The following ARAP2 variants were observed in gnomAD, a reference collection of about 807,000 sequenced individuals.
ARAP2 encodes the protein arf-GAP with Rho-GAP domain, ANK repeat and PH domain-containing protein 2.
In ARAP2, 148 loss-of-function variants were observed where a neutral mutation model predicts 194.5. The ratio of observed to expected loss-of-function variants is 0.76; its 90% CI spans 0.67 to 0.87. The LOEUF (loss-of-function observed/expected upper bound fraction) is 0.87. Ranked by LOEUF, ARAP2 falls within the 40% of genes least tolerant of loss-of-function variation. The probability of loss-of-function intolerance (pLI) is 0.00; values close to 1 mark genes in which losing one functional copy is unlikely to be tolerated. For missense variants in ARAP2, 2,128 were observed against 1,989.7 expected (o/e 1.07, Z -1.32); for synonymous variants, 695 against 683.5 (o/e 1.02, Z -0.26).
rs1300902566 is a variant in ARAP2, at chr4:36,140,030, T to TAAGA, written c.3264-6642_3264-6641insTCTT. ...CTCTGAACCTATTATTTCCACCTCT[T>TAAGA]GGACTACCTTAGTGTCTCAGGCCCC... On this transcript the variant is annotated intron_variant, in intron 19 of 32. Transcript: ENST00000303965. 1.2e-4 allele frequency among the ~76,000 whole-genome samples: 18 copies of TAAGA among 151,642 alleles called. No individual in the cohort carries two copies. In the East Asian group the frequency reaches 1.4e-3, roughly 11 times the overall value.
chr4:36,235,768 T>C (rs1395517466), intron 1 of ARAP2, among the ~76,000 whole-genome samples: 1 of 152,222 alleles, frequency 6.6e-6, no homozygotes, highest in African/African-American at 2.4e-5. Flanking sequence ...CACAGATTTC[T>C]CCAATTCATC....
At chr4:36,125,836 C>T (rs557334514) in intron 21 of ARAP2, among the ~76,000 whole-genome samples, 9 of 152,130 alleles carry the variant, frequency 5.9e-5, no homozygotes, top group African/African-American at 1.9e-4. Context: ...GGAGACCACA[C>T]TTATTATTTC....
At chr4:36,238,549 G>C (rs1223351154) in intron 1 of ARAP2, among the ~76,000 whole-genome samples, 1 of 152,128 alleles carries the variant, frequency 6.6e-6, no homozygotes, top group Non-Finnish European at 1.5e-5. Flanking sequence ...CCTTTGTCTA[G>C]CTGTTCATAA....
chr4:36,164,895 A>C lies in ARAP2; in HGVS notation c.2173+19T>G. On this transcript the variant is annotated intron_variant, in intron 11 of 32. Transcript: ENST00000303965. ...AATCTGCCACAAAGCTGTGATGAGC[A>C]TAACTTGTCACTAATTACCTGCACA... 1 of 1,612,002 alleles carries C rather than the reference A, an allele frequency of 6.2e-7. No homozygotes were observed. Among genetic ancestry groups the C allele is most frequent in the Non-Finnish European group, 8.5e-7 (1 of 1,178,186 alleles).
intron 14 of ARAP2, 117 bp downstream of exon 14, chr4:36,159,214 A>G (rs1733337492): frequency 8.7e-7 from 1 of 1,148,762 alleles, no homozygotes; most frequent in Admixed American, 2.9e-5. Flanking sequence ...CTTTTTGGTA[A>G]TTACATTTTT....
At chr4:36,228,431 G>C (rs892669506) in intron 2 of ARAP2, 151 bp downstream of exon 2, 2 of 790,184 alleles carry the variant, frequency 2.5e-6, no homozygotes, top group Non-Finnish European at 1.9e-6. Flanking sequence ...TGTCCAATGG[G>C]ATGAAGACTT....
At chr4:36,163,588 G>T (rs149334115) in intron 11 of ARAP2, among the ~76,000 whole-genome samples, 1 of 152,138 alleles carries the variant, frequency 6.6e-6, no homozygotes, top group Non-Finnish European at 1.5e-5. Context: ...GAAAGAAAAA[G>T]GGGACAGAGA....
At chr4:36,050,293 T>C (rs1722451873) in intron 3 of ARAP2, among the ~76,000 whole-genome samples, 1 of 152,252 alleles carries the variant, frequency 6.6e-6, no homozygotes, top group Non-Finnish European at 1.5e-5. Context: ...GTCAAAACCA[T>C]ATCATCTGAA....
At chr4:36,092,640 A>G (rs987100863) in intron 27 of ARAP2, among the ~76,000 whole-genome samples, 4 of 152,212 alleles carry the variant, frequency 2.6e-5, no homozygotes, top group South Asian at 2.1e-4. Flanking sequence ...ATATATCACA[A>G]TTTTTAAAAT....
At chr4:36,006,883 T>A (rs1193773624) in intron 10 of ARAP2, 1 of 151,970 alleles carries the variant, frequency 6.6e-6, no homozygotes, top group Admixed American at 6.6e-5. Context: ...CAAATAAAAT[T>A]TTTAAAAGAG....
rs116349557 is a variant in ARAP2, at chr4:36,112,266, A to G, written c.4156+1904T>C. Among the ~76,000 whole-genome samples, 876 of 152,090 alleles carry G rather than the reference A, an allele frequency of 5.8e-3. 6 individuals carry two copies. The highest frequency in any genetic ancestry group is 0.02 in the African/African-American group (833 of 41,538). On this transcript the variant is annotated intron_variant, in intron 26 of 32. Coordinates refer to ENST00000303965, the MANE Select transcript of ARAP2 (RefSeq NM_015230.4). ...GAAATACACGGTAAATGCCCTAAAA[A>G]AAGTATAGTCTAGGGCAGAACCAGG...
chr4:36,149,326 A>C (rs1180429949), intron 16 of ARAP2, among the ~76,000 whole-genome samples: 1 of 151,996 alleles, frequency 6.6e-6, no homozygotes, highest in Non-Finnish European at 1.5e-5. Context: ...CAGTCATTTA[A>C]TCTTAGCAGT....
intron 28 of ARAP2, among the ~76,000 whole-genome samples, chr4:36,085,685 CTT>C (rs1294744480): frequency 1.3e-5 from 2 of 151,984 alleles, no homozygotes; most frequent in African/African-American, 4.8e-5. Context: ...TCTATTTATC[CTT>C]TGAGGTGAAT....
intron 27 of ARAP2, 135 bp from the exon 28 acceptor site, chr4:36,092,155 C>G: frequency 1.0e-6 from 1 of 985,506 alleles, no homozygotes; most frequent in Non-Finnish European, 1.4e-6. Flanking sequence ...GGTGAACTTC[C>G]GGGAATACCA....
chr4:36,237,047 G>A (rs1025081264), intron 1 of ARAP2, among the ~76,000 whole-genome samples: 1 of 152,144 alleles, frequency 6.6e-6, no homozygotes, highest in East Asian at 1.9e-4. Flanking sequence ...ACATTTAACT[G>A]CCCAAGAGTT....
intron 6 of ARAP2, among the ~76,000 whole-genome samples, chr4:36,194,385 C>T (rs1429326090): frequency 6.6e-6 from 1 of 152,120 alleles, no homozygotes; most frequent in Admixed American, 6.5e-5. Flanking sequence ...TTCTCCTTCC[C>T]TGAAGGCAGA....
intron 6 of ARAP2, among the ~76,000 whole-genome samples, 155 bp downstream of exon 6, chr4:36,210,235 G>A (rs1049743223): frequency 6.6e-6 from 1 of 152,084 alleles, no homozygotes; most frequent in African/African-American, 2.4e-5. Flanking sequence ...GAATAGCACT[G>A]GCAAAAGTGT....
At chr4:36,165,305 T>C (rs540340569) in intron 10 of ARAP2, among the ~76,000 whole-genome samples, 192 bp from the exon 11 acceptor site, 2 of 152,370 alleles carry the variant, frequency 1.3e-5, no homozygotes, top group East Asian at 1.9e-4. Flanking sequence ...TTTTCCACAC[T>C]GTTTATGTCT....
At position 36,228,657 on chromosome 4, in the gene ARAP2, C is replaced by T. The variant is rs1211461745; in HGVS notation, c.830G>A (p.Arg277Lys). The T allele has an allele frequency of 6.2e-7, 1 of 1,613,922 alleles. No individual in the cohort carries two copies. The highest frequency in any genetic ancestry group is 8.5e-7 in the Non-Finnish European group (1 of 1,179,964). ...TCTTAGCAGAAAAGATCGAGATGGT[C>T]TTGAAACCAACTTGCTACGACTTCT... ...PVRSRSKLVSRPSRSFLLRHR... is the reference protein window; with the variant it reads ...PVRSRSKLVSKPSRSFLLRHR... The change falls in exon 2 of 33, where the codon AGA (arginine) becomes AAA (lysine). Residue 277 changes from arginine (R) to lysine (K), a missense_variant. Physicochemically the swap from Arg to Lys is conservative, Grantham distance 26. Transcript: ENST00000303965.
Sources: allele counts gnomAD v4.1 joint callset (sites outside exome capture counted in the v4.1 genomes callset), GRCh38; gene constraint gnomAD v4.1.1; transcripts MANE v1.5; gene names NCBI Gene and HGNC (gene_info 2026-07-23, HGNC 2026-07-21).